CTNNA3: variants seen among roughly 807,000 people sequenced by gnomAD.
CTNNA3 encodes catenin alpha 3, also known as catenin alpha-3.
In CTNNA3, 76 loss-of-function variants were observed where a neutral mutation model predicts 95.7. The ratio of observed to expected loss-of-function variants is 0.79; its 90% CI spans 0.66 to 0.96. The LOEUF (loss-of-function observed/expected upper bound fraction) is 0.96, where lower values mean the gene tolerates loss of function less well. Ranked by LOEUF, CTNNA3 falls within the 40% of genes least tolerant of loss-of-function variation. CTNNA3 has a pLI of 0.00. For synonymous variants in CTNNA3, 431 were observed against 374.4 expected (o/e 1.15, Z -1.74); for missense variants, 1,191 against 1,089.8 (o/e 1.09, Z -1.31).
Position 66,688,631 on chromosome 10 carries a change from T to C in CTNNA3, c.1282-66847A>G, listed in dbSNP as rs534301568. ...CTCAGCAGAAGATTTTTTGTTCATT[T>C]ATTGTTTGACTTTACTAACTTTATT... On this transcript the variant is annotated intron_variant, in intron 9 of 17. Transcript: ENST00000433211. 2.0e-5 allele frequency among the ~76,000 whole-genome samples: 3 copies of C among 152,248 alleles called. No homozygotes were observed. In the South Asian group the frequency reaches 6.2e-4, roughly 32 times the overall value.
rs1455332014 is a variant in CTNNA3, at chr10:66,157,287, T to C, written c.1885-54038A>G. ...AGTTCTCATATATCAGTGAGAACAT[T>C]TGATGTTTGGTTTTCCATTCCTGAG... On this transcript the variant is annotated intron_variant, in intron 13 of 17. Coordinates refer to ENST00000433211, the MANE Select transcript of CTNNA3 (RefSeq NM_013266.4). 3.3e-5 allele frequency among the ~76,000 whole-genome samples: 5 copies of C among 151,978 alleles called. No homozygotes were observed. In the East Asian group the frequency reaches 5.8e-4, roughly 18 times the overall value.
At chr10:67,308,796 G>C (rs1262689651) in intron 5 of CTNNA3, among the ~76,000 whole-genome samples, 1 of 152,170 alleles carries the variant, frequency 6.6e-6, no homozygotes, top group African/African-American at 2.4e-5. Flanking sequence ...GAGCCAGGAA[G>C]TAAGTCACTA....
chr10:66,621,929 A>G, intron 9 of CTNNA3, 145 bp from the exon 10 acceptor site: 1 of 524,546 alleles, frequency 1.9e-6, no homozygotes, highest in East Asian at 3.3e-5. Flanking sequence ...TATCTATTTT[A>G]TGAAAGAATT....
At chr10:66,883,575 C>A (rs1265135745) in intron 7 of CTNNA3, among the ~76,000 whole-genome samples, 2 of 152,200 alleles carry the variant, frequency 1.3e-5, no homozygotes, top group East Asian at 3.9e-4. Context: ...TGCATTACAT[C>A]CTGCAAGGTA....
chr10:66,752,235 T>C (rs10733827), intron 9 of CTNNA3, among the ~76,000 whole-genome samples: 131,389 of 152,138 alleles, frequency 0.86, 57,214 homozygotes, highest in East Asian at 1. Context: ...CTTGAATAAA[T>C]GGTAGACACA....
chr10:67,077,130 C>T (rs1564875037), intron 7 of CTNNA3, among the ~76,000 whole-genome samples: 1 of 152,148 alleles, frequency 6.6e-6, no homozygotes, highest in Non-Finnish European at 1.5e-5. Context: ...GCTAAATTTC[C>T]TCCATCTCTG....
At chr10:67,299,566 T>C (rs542238763) in intron 5 of CTNNA3, among the ~76,000 whole-genome samples, 9 of 152,316 alleles carry the variant, frequency 5.9e-5, no homozygotes, top group African/African-American at 1.9e-4. Flanking sequence ...TTCTTTATAT[T>C]GTGAAGATTT....
At chr10:66,565,316 G>T (rs1186899792) in intron 10 of CTNNA3, among the ~76,000 whole-genome samples, 1 of 145,346 alleles carries the variant, frequency 6.9e-6, no homozygotes, top group Non-Finnish European at 1.5e-5. Flanking sequence ...ATAAGAGATG[G>T]AGAGAGAAAT....
At chr10:67,402,568 C>T (rs1465755548) in intron 5 of CTNNA3, among the ~76,000 whole-genome samples, 1 of 152,178 alleles carries the variant, frequency 6.6e-6, no homozygotes, top group Non-Finnish European at 1.5e-5. Context: ...AACCAATCCA[C>T]AGAAAACAGA....
At chr10:67,004,925 T>G (rs185109583) in intron 7 of CTNNA3, among the ~76,000 whole-genome samples, 10 of 152,156 alleles carry the variant, frequency 6.6e-5, no homozygotes, top group Non-Finnish European at 1.3e-4. Flanking sequence ...AGAACAGATT[T>G]TGTTGTTAGG....
chr10:66,419,828 C>T (rs933584105), intron 11 of CTNNA3, among the ~76,000 whole-genome samples: 2 of 152,030 alleles, frequency 1.3e-5, no homozygotes, highest in African/African-American at 4.8e-5. Context: ...GGAAATTGAA[C>T]AGTCACAGGC....
intron 13 of CTNNA3, among the ~76,000 whole-genome samples, chr10:66,271,018 A>T (rs1216594749): frequency 6.6e-6 from 1 of 152,190 alleles, no homozygotes; most frequent in Non-Finnish European, 1.5e-5. Context: ...CCCATGGTAT[A>T]AAAACATTGA....
At chr10:66,935,704 C>G (rs1308745420) in intron 7 of CTNNA3, among the ~76,000 whole-genome samples, 1 of 151,598 alleles carries the variant, frequency 6.6e-6, no homozygotes, top group Non-Finnish European at 1.5e-5. Flanking sequence ...TAATTGAGTC[C>G]TTATTATGTA....
At chr10:66,656,536 G>A (rs1241460363) in intron 9 of CTNNA3, among the ~76,000 whole-genome samples, 1 of 152,008 alleles carries the variant, frequency 6.6e-6, no homozygotes, top group Non-Finnish European at 1.5e-5. Context: ...AGGTGAGAGA[G>A]GACTTGCTAG....
chr10:66,769,362 T>C (rs984288084), intron 8 of CTNNA3, among the ~76,000 whole-genome samples: 3 of 152,182 alleles, frequency 2.0e-5, no homozygotes, highest in African/African-American at 7.2e-5. Flanking sequence ...TCTTAACCCA[T>C]GCAAAAAACA....
chr10:66,671,063 G>A (rs1480279225), intron 9 of CTNNA3, among the ~76,000 whole-genome samples: 1 of 152,120 alleles, frequency 6.6e-6, no homozygotes, highest in Admixed American at 6.6e-5. Flanking sequence ...AAAGGAGAGA[G>A]GATATTATTT....
At chr10:67,508,125 T>C (rs1337979146) in intron 5 of CTNNA3, among the ~76,000 whole-genome samples, 1 of 152,154 alleles carries the variant, frequency 6.6e-6, no homozygotes, top group Non-Finnish European at 1.5e-5. Flanking sequence ...GCAGTTCTCC[T>C]TCCTCATACT....
In CTNNA3 at chr10:66,848,674, T is replaced by C. The variant is rs1843368793; in HGVS notation, c.1048-73150A>G. Among the ~76,000 whole-genome samples, 3 of 152,326 alleles carry C rather than the reference T, an allele frequency of 2.0e-5. 1 individual carries two copies. The South Asian group carries it at 6.2e-4, about 32-fold the overall frequency. ...AATAAAATAGAACATGTTGACATTG[T>C]TAAAGTTAATGTACAGTAATTTAGT... On this transcript the variant is annotated intron_variant, in intron 7 of 17. Coordinates refer to ENST00000433211, the MANE Select transcript of CTNNA3 (RefSeq NM_013266.4).
intron 16 of CTNNA3, among the ~76,000 whole-genome samples, chr10:65,983,614 T>C (rs1317749410): frequency 6.6e-6 from 1 of 151,488 alleles, no homozygotes; most frequent in African/African-American, 2.4e-5. Flanking sequence ...TCTTGTTTTA[T>C]ACAAGGATAC....
Sources: allele counts gnomAD v4.1 joint callset (sites outside exome capture counted in the v4.1 genomes callset), GRCh38; gene constraint gnomAD v4.1.1; transcripts MANE v1.5; gene names NCBI Gene and HGNC (gene_info 2026-07-23, HGNC 2026-07-21).